The following NTRK3 variants were observed in gnomAD, a reference collection of about 807,000 sequenced individuals.
NTRK3 encodes NT-3 growth factor receptor.
In NTRK3, 24 loss-of-function variants were observed where a neutral mutation model predicts 91.7. The observed-to-expected ratio is 0.26, with a 90% confidence interval of 0.19 to 0.37. NTRK3 has a LOEUF of 0.37. Ranked by LOEUF, NTRK3 falls within the 10% of genes least tolerant of loss-of-function variation. The probability of loss-of-function intolerance (pLI) is 1.00; values close to 1 mark genes in which losing one functional copy is unlikely to be tolerated. For synonymous variants in NTRK3, 483 were observed against 404.0 expected (o/e 1.20, Z -2.34); for missense variants, 880 against 1,068.9 (o/e 0.82, Z 2.46).
At chr15:87,864,821 A>C (rs1057020099) in exon 19 of NTRK3, 28 of 229,490 alleles carry the variant, frequency 1.2e-4, no homozygotes, top group African/African-American at 5.3e-4. Flanking sequence ...AGCACCCAGC[A>C]AGACTGCATG....
At chr15:88,177,581 G>A (rs1400765184) in intron 5 of NTRK3, among the ~76,000 whole-genome samples, 1 of 152,220 alleles carries the variant, frequency 6.6e-6, no homozygotes, top group African/African-American at 2.4e-5. Flanking sequence ...CCACTTACAA[G>A]AACAAGAAGC....
At chr15:88,010,755 C>T (rs1253234280) in intron 14 of NTRK3, among the ~76,000 whole-genome samples, 2 of 151,236 alleles carry the variant, frequency 1.3e-5, no homozygotes, top group African/African-American at 2.5e-5. Flanking sequence ...CACCCACACA[C>T]ACACACACAC....
rs564003028 is a variant in NTRK3, at chr15:87,947,132, G to A, written c.1586-6379C>T. On this transcript the variant is annotated intron_variant, in intron 14 of 18. Coordinates refer to ENST00000394480, the Ensembl canonical transcript of NTRK3. ...GACCTCAGGTAATTCACCTGCCTCAGCCTCCCAAAGTGCTAGGATTACAGG... is the reference window on the plus strand; with the variant it reads ...GACCTCAGGTAATTCACCTGCCTCAACCTCCCAAAGTGCTAGGATTACAGG... Among the ~76,000 whole-genome samples, 3 of 152,176 alleles carry A rather than the reference G, an allele frequency of 2.0e-5. No individual in the cohort carries two copies. The East Asian group carries it at 5.8e-4, about 29-fold the overall frequency.
chr15:87,948,790 C>A (rs528370845), intron 14 of NTRK3, among the ~76,000 whole-genome samples: 27 of 152,220 alleles, frequency 1.8e-4, no homozygotes, highest in Non-Finnish European at 3.5e-4. Flanking sequence ...CCTGATTGTT[C>A]CTGTTGCTGC....
chr15:88,140,396 G>A (rs2042277206), intron 6 of NTRK3, among the ~76,000 whole-genome samples: 1 of 152,202 alleles, frequency 6.6e-6, no homozygotes, highest in South Asian at 2.1e-4. Context: ...CTGTAACCCT[G>A]GCACGTGGCT....
intron 16 of NTRK3, among the ~76,000 whole-genome samples, chr15:87,930,185 C>A (rs564377356): frequency 2.0e-5 from 3 of 152,170 alleles, no homozygotes; most frequent in African/African-American, 7.2e-5. Context: ...GTGGAGAGAG[C>A]CTCTGACCTT....
chr15:88,108,935 C>T (rs2051013914), intron 13 of NTRK3, among the ~76,000 whole-genome samples: 1 of 152,216 alleles, frequency 6.6e-6, no homozygotes, highest in Non-Finnish European at 1.5e-5. Context: ...AGAATTCTCT[C>T]TCTAATCCAC....
At chr15:87,935,739 A>G (rs755385588) in intron 15 of NTRK3, among the ~76,000 whole-genome samples, 4 of 152,164 alleles carry the variant, frequency 2.6e-5, no homozygotes, top group East Asian at 1.9e-4. Context: ...CTGGACGTCA[A>G]TGACAGCCCT....
At chr15:88,210,609 A>G (rs2049157079) in intron 3 of NTRK3, among the ~76,000 whole-genome samples, 1 of 152,210 alleles carries the variant, frequency 6.6e-6, no homozygotes, top group Admixed American at 6.5e-5. Flanking sequence ...GGTCTTCCCC[A>G]AGGGCAGGAG....
chr15:88,007,018 A>T (rs1216406266), intron 14 of NTRK3, among the ~76,000 whole-genome samples: 9 of 152,176 alleles, frequency 5.9e-5, no homozygotes, highest in Non-Finnish European at 2.9e-5. Context: ...CTGACACCAC[A>T]TGAGGACAAA....
chr15:87,929,158 G>A (rs764941603), intron 17 of NTRK3, 33 bp downstream of exon 17: 23 of 1,614,104 alleles, frequency 1.4e-5, no homozygotes, highest in Non-Finnish European at 1.9e-5. Context: ...CTAGCTCTGT[G>A]GCTGAGTCCT....
At chr15:88,057,675 T>TGC (rs1337986281) in intron 13 of NTRK3, among the ~76,000 whole-genome samples, 6 of 152,284 alleles carry the variant, frequency 3.9e-5, no homozygotes, top group Admixed American at 2.0e-4. Context: ...ATATGATCAG[T>TGC]GCCTTCCAGT....
intron 14 of NTRK3, among the ~76,000 whole-genome samples, chr15:87,992,122 A>C (rs1055546011): frequency 1.3e-5 from 2 of 152,136 alleles, no homozygotes; most frequent in African/African-American, 4.8e-5. Context: ...ATCAATAAAA[A>C]TTCCATTCAC....
chr15:87,898,823 T>TAAAAAAAAAAAA (rs34425235), intron 17 of NTRK3, among the ~76,000 whole-genome samples: 2 of 103,960 alleles, frequency 1.9e-5, no homozygotes, highest in African/African-American at 3.9e-5. Flanking sequence ...CTGTCTCTAC[T>TAAAAAAAAAAAA]AAAAAAAAAA....
chr15:87,872,485 A>G (rs1484323178), exon 19 of NTRK3: 1 of 227,744 alleles, frequency 4.4e-6, no homozygotes, highest in African/African-American at 2.2e-5. Context: ...GTTGATTTCC[A>G]GTGGCCTGCA....
At chr15:88,031,857 C>T (rs965373451) in intron 14 of NTRK3, among the ~76,000 whole-genome samples, 2 of 152,102 alleles carry the variant, frequency 1.3e-5, no homozygotes, top group Admixed American at 6.5e-5. Context: ...CTGAGCAAGA[C>T]CAAAAAGCGC....
At chr15:88,042,330 G>T (rs994839491) in intron 13 of NTRK3, among the ~76,000 whole-genome samples, 1 of 152,184 alleles carries the variant, frequency 6.6e-6, no homozygotes, top group Non-Finnish European at 1.5e-5. Context: ...TGGGACAGAG[G>T]CCAAGTGAAC....
In NTRK3 at chr15:88,153,073, C is replaced by CA. The variant is rs550899639; in HGVS notation, c.396-5671dup. Among the ~76,000 whole-genome samples the CA allele has an allele frequency of 4.2e-3, 643 of 152,258 alleles. 2 individuals are homozygous for CA. Among genetic ancestry groups the CA allele is most frequent in the African/African-American group, 0.015 (622 of 41,538 alleles). ...AGCTAACCAGAAAACAATGAATGTCCAACCCCTCCCAATCCTGCAAGCTCC... is the reference window on the plus strand; with the variant it reads ...AGCTAACCAGAAAACAATGAATGTCCAAACCCCTCCCAATCCTGCAAGCTCC... On this transcript the variant is annotated intron_variant, in intron 5 of 18. Coordinates refer to ENST00000394480, the Ensembl canonical transcript of NTRK3.
intron 17 of NTRK3, among the ~76,000 whole-genome samples, chr15:87,903,034 G>T (rs2066547298): frequency 6.6e-6 from 1 of 152,180 alleles, no homozygotes; most frequent in African/African-American, 2.4e-5. Flanking sequence ...GCTTTCCTTG[G>T]AGGGCTGCAT....
Sources: gnomAD v4.1 joint callset for allele counts (sites outside exome capture counted in the v4.1 genomes callset) on GRCh38, gnomAD v4.1.1 for gene constraint, MANE v1.5 for transcripts, NCBI Gene and HGNC (gene_info 2026-07-23, HGNC 2026-07-21) for gene names.